The following DCAF7 variants were observed in gnomAD, a reference collection of about 807,000 sequenced individuals.
DCAF7 encodes the protein DDB1 and CUL4 associated factor 7.
In DCAF7, 4 loss-of-function variants were observed where a neutral mutation model predicts 41.2. The observed-to-expected ratio is 0.10, with a 90% confidence interval of 0.05 to 0.22. The LOEUF (loss-of-function observed/expected upper bound fraction) is 0.22. Among genes scored for constraint, DCAF7 ranks in the 10% least tolerant of loss-of-function variants. The pLI, the probability that DCAF7 is intolerant of heterozygous loss-of-function variation, is 1.00. For missense variants in DCAF7, 131 were observed against 443.2 expected (o/e 0.30, Z 6.32); for synonymous variants, 143 against 164.2 (o/e 0.87, Z 0.99).
At position 63,591,599 on chromosome 17, in the gene DCAF7, C is replaced by T. The variant is rs1156417591; in HGVS notation, c.*2427C>T. The T allele has an allele frequency of 2.0e-5, 3 of 152,222 alleles. No individual in the cohort carries two copies. The highest frequency in any genetic ancestry group is 4.4e-5 in the Non-Finnish European group (3 of 68,082). The allele number at this position is 152,222 out of a possible 1,614,324, so 9.4% of individuals were successfully genotyped here. ...TTGAGTCCCAGCTCTCTTACCCTCC[C>T]TTTACTCCACCAGCCCGACGACCCA... On this transcript the variant is annotated 3_prime_UTR_variant, in exon 7 of 7. Coordinates refer to ENST00000614556, the MANE Select transcript of DCAF7 (RefSeq NM_005828.5).
intron 5 of DCAF7, among the ~76,000 whole-genome samples, chr17:63,584,843 G>A (rs1598037387): frequency 1.3e-5 from 2 of 152,132 alleles, no homozygotes; most frequent in African/African-American, 4.8e-5. Flanking sequence ...GAATGCATTG[G>A]TTGTCCTTGG....
At chr17:63,559,318 T>C (rs900345690) in intron 1 of DCAF7, among the ~76,000 whole-genome samples, 2 of 91,718 alleles carry the variant, frequency 2.2e-5, no homozygotes, top group Non-Finnish European at 4.2e-5. Flanking sequence ...TATATATATA[T>C]ATGTATATAT....
At chr17:63,551,307 A>T (rs868720284) in intron 1 of DCAF7, among the ~76,000 whole-genome samples, 5 of 86,112 alleles carry the variant, frequency 5.8e-5, no homozygotes, top group Admixed American at 1.3e-4. Context: ...CCCTACTCCC[A>T]CCCCCCCCGG....
intron 1 of DCAF7, among the ~76,000 whole-genome samples, chr17:63,569,591 G>GT (rs2033483245): frequency 6.6e-6 from 1 of 152,068 alleles, no homozygotes; most frequent in Admixed American, 6.5e-5. Flanking sequence ...TTTTGTTTTT[G>GT]TTTTTGTTTA....
chr17:63,577,927 C>T (rs2033580173), intron 1 of DCAF7, among the ~76,000 whole-genome samples: 1 of 152,168 alleles, frequency 6.6e-6, no homozygotes. Flanking sequence ...CCTGTAATCT[C>T]TGTCTCCTAC....
intron 1 of DCAF7, among the ~76,000 whole-genome samples, chr17:63,561,933 A>G (rs1240878112): frequency 1.3e-5 from 2 of 151,306 alleles, no homozygotes; most frequent in African/African-American, 4.9e-5. Flanking sequence ...GCCCAAAGTC[A>G]TATAAGGGGT....
chr17:63,583,428 G>A (rs1427413527), intron 4 of DCAF7, 74 bp from the exon 5 acceptor site: 36 of 1,321,540 alleles, frequency 2.7e-5, no homozygotes, highest in South Asian at 1.5e-4. Flanking sequence ...TGAACTGGAC[G>A]TGGCAGATTT....
In DCAF7 at chr17:63,583,532, G is replaced by C. The variant is rs1222461603; in HGVS notation, c.559G>C (p.Gly187Arg). ...VYDIAFSRAG[G>R]GRDMFASVGA... ...TGATATTGCATTTAGCCGGGCCGGG[G>C]GTGGCAGGGACATGTTTGCCTCTGT... Residue 187 changes from glycine to arginine, a missense_variant, in exon 5 of 7, where the codon GGT becomes CGT. Coordinates refer to ENST00000614556, the MANE Select transcript of DCAF7 (RefSeq NM_005828.5). 6.2e-7 allele frequency: 1 copy of C among 1,613,864 alleles called. No individual in the cohort carries two copies. The highest frequency in any genetic ancestry group is 1.3e-5 in the African/African-American group (1 of 74,910).
chr17:63,566,691 C>T (rs946175573), intron 1 of DCAF7, among the ~76,000 whole-genome samples: 10 of 152,164 alleles, frequency 6.6e-5, no homozygotes, highest in African/African-American at 1.7e-4. Context: ...GAGGCCAGGG[C>T]GGGAGGATTG....
intron 1 of DCAF7, among the ~76,000 whole-genome samples, chr17:63,564,498 C>T (rs1420082870): frequency 2.0e-5 from 3 of 152,230 alleles, no homozygotes; most frequent in Admixed American, 2.0e-4. Context: ...TGTGGTGCTG[C>T]TCCCTGGTGA....
chr17:63,553,124 A>T (rs1253469546), intron 1 of DCAF7, among the ~76,000 whole-genome samples: 1 of 152,334 alleles, frequency 6.6e-6, no homozygotes, highest in East Asian at 1.9e-4. Flanking sequence ...GATATAAACA[A>T]CATGTTTTTT....
chr17:63,585,092 T>G, intron 5 of DCAF7, 119 bp from the exon 6 acceptor site: 1 of 758,396 alleles, frequency 1.3e-6, no homozygotes. Context: ...CTGTCTCTAG[T>G]TCTTTAAATC....
chr17:63,562,822 C>CTTT (rs72028555), intron 1 of DCAF7, among the ~76,000 whole-genome samples: 3 of 141,536 alleles, frequency 2.1e-5, no homozygotes, highest in Non-Finnish European at 1.5e-5. Context: ...AAAATATTTT[C>CTTT]TTTTTTTTTT....
intron 1 of DCAF7, among the ~76,000 whole-genome samples, chr17:63,570,859 A>G (rs892404162): frequency 4.6e-5 from 7 of 152,340 alleles, no homozygotes; most frequent in African/African-American, 1.4e-4. Context: ...GTCATGCAGA[A>G]TATGATTGGA....
In DCAF7 at chr17:63,589,130, C is replaced by T. The variant is rs374749955; in HGVS notation, c.987C>T (p.Ile329=). Residue 329 remains isoleucine (I), a synonymous_variant, in exon 7 of 7, where the codon ATC becomes ATT. Transcript: ENST00000614556. ...GGGCATCAACTCAGCCCGACTGGAT[C>T]GCCATCTGCTACAACAACTGCCTGG... ...VQWASTQPDW[I]AICYNNCLEI... The T allele has an allele frequency of 1.9e-5, 31 of 1,613,886 alleles. No homozygotes were observed. The highest frequency in any genetic ancestry group is 2.4e-5 in the Non-Finnish European group (28 of 1,179,892).
At chr17:63,574,266 T>G (rs907427497) in intron 1 of DCAF7, among the ~76,000 whole-genome samples, 3 of 152,216 alleles carry the variant, frequency 2.0e-5, no homozygotes, top group Admixed American at 1.3e-4. Context: ...GTGCCCCATT[T>G]GAATTATTGC....
intron 1 of DCAF7, among the ~76,000 whole-genome samples, chr17:63,564,449 C>T (rs2033419259): frequency 6.6e-6 from 1 of 152,092 alleles, no homozygotes; most frequent in African/African-American, 2.4e-5. Context: ...AAGGGGAAAC[C>T]TAGCATCATT....
rs536736743 is a variant in DCAF7 at position 63,564,847 on chromosome 17, G to A, written c.139-13623G>A. ...CAGAAGAGCAGAACTCCCACGCTCA[G>A]TATTCCCTCCATGGGGGACTGGGGC... On this transcript the variant is annotated intron_variant, in intron 1 of 6. Coordinates refer to ENST00000614556, the MANE Select transcript of DCAF7 (RefSeq NM_005828.5). Among the ~76,000 whole-genome samples, 18 of 152,340 alleles carry A rather than the reference G, an allele frequency of 1.2e-4. No individual in the cohort carries two copies. In the South Asian group the frequency reaches 1.9e-3, roughly 16 times the overall value.
At chr17:63,585,618 A>G (rs2033668728) in intron 6 of DCAF7, among the ~76,000 whole-genome samples, 2 of 152,198 alleles carry the variant, frequency 1.3e-5, no homozygotes, top group African/African-American at 4.8e-5. Flanking sequence ...AGAGGACTCA[A>G]TTCCAGGAAT....
Sources: gnomAD v4.1 joint callset for allele counts (sites outside exome capture counted in the v4.1 genomes callset) on GRCh38, gnomAD v4.1.1 for gene constraint, MANE v1.5 for transcripts, NCBI Gene and HGNC (gene_info 2026-07-23, HGNC 2026-07-21) for gene names.